The following PRSS12 variants were observed in gnomAD, a reference collection of about 807,000 sequenced individuals.
PRSS12 encodes neurotrypsin.
A neutral mutation model predicts 104.4 loss-of-function variants in PRSS12; 85 were observed. That is an observed-to-expected ratio of 0.81 (90% CI 0.68 to 0.98). The LOEUF is 0.98. Among genes scored for constraint, PRSS12 ranks in the 50% least tolerant of loss-of-function variants. PRSS12 has a pLI of 0.00. For missense variants in PRSS12, 1,141 were observed against 1,139.2 expected, an observed-to-expected ratio of 1.00 and a Z score of -0.02; for synonymous variants, 454 against 425.2, an observed-to-expected ratio of 1.07 and a Z score of -0.83.
intron 7 of PRSS12, among the ~76,000 whole-genome samples, chr4:118,310,619 TAC>T (rs1454130346): frequency 1.3e-5 from 2 of 152,234 alleles, no homozygotes; most frequent in Non-Finnish European, 1.5e-5. Context: ...CATATTGGTA[TAC>T]AGTTATCTTT....
chr4:118,301,292 T>A (rs555675820), intron 8 of PRSS12, among the ~76,000 whole-genome samples: 12 of 152,322 alleles, frequency 7.9e-5, no homozygotes, highest in African/African-American at 2.9e-4. Flanking sequence ...TGGCTACCCA[T>A]CAGAATTGCC....
At chr4:118,292,937 C>T (rs1743162459) in intron 11 of PRSS12, among the ~76,000 whole-genome samples, 2 of 152,038 alleles carry the variant, frequency 1.3e-5, no homozygotes, top group African/African-American at 2.4e-5. Flanking sequence ...ATCCTTAAAC[C>T]TGGCAGGGCA....
At position 118,294,955 on chromosome 4, in the gene PRSS12, C is replaced by T. The variant is rs765772252; in HGVS notation, c.2023G>A (p.Ala675Thr). The change falls in exon 11 of 13, where the codon GCA becomes ACA. Residue 675 changes from alanine to threonine, a missense_variant. Ala to Thr is a moderately conservative substitution (Grantham distance 58). Transcript: ENST00000296498. Reference protein sequence around the residue: ...LLSSCWVLTAAHCFKRYGNST... With the variant: ...LLSSCWVLTATHCFKRYGNST... ...GACACATACCTCTTGAAACAGTGTG[C>T]TGCTGTGAGGACCCAGCAGCTACTC... 1 of 1,614,118 alleles carries T rather than the reference C, an allele frequency of 6.2e-7. No homozygotes were observed. Among genetic ancestry groups the T allele is most frequent in the African/African-American group, 1.3e-5 (1 of 75,050 alleles).
chr4:118,295,718 A>G, intron 10 of PRSS12, 60 bp downstream of exon 10: 1 of 1,466,204 alleles, frequency 6.8e-7, no homozygotes, highest in Non-Finnish European at 9.6e-7. Context: ...CCAGTTTGTA[A>G]CACTCTATGT....
intron 1 of PRSS12, among the ~76,000 whole-genome samples, chr4:118,345,177 A>G (rs1188297249): frequency 1.2e-4 from 18 of 152,226 alleles, no homozygotes; most frequent in Non-Finnish European, 2.9e-5. Context: ...ACCCTGTTAG[A>G]AGAACCAGCA....
At chr4:118,330,862 T>G (rs1198282898) in intron 4 of PRSS12, among the ~76,000 whole-genome samples, 2 of 152,088 alleles carry the variant, frequency 1.3e-5, no homozygotes, top group Non-Finnish European at 2.9e-5. Flanking sequence ...TTTTAAAAAT[T>G]ACAAAAAAAT....
chr4:118,344,233 C>T (rs972875468), intron 1 of PRSS12, among the ~76,000 whole-genome samples: 1 of 152,024 alleles, frequency 6.6e-6, no homozygotes, highest in African/African-American at 2.4e-5. Flanking sequence ...AATACTATGT[C>T]TTATACCAAA....
At chr4:118,340,463 T>G (rs986664073) in intron 1 of PRSS12, among the ~76,000 whole-genome samples, 1 of 152,204 alleles carries the variant, frequency 6.6e-6, no homozygotes, top group African/African-American at 2.4e-5. Context: ...GGTTTATCCT[T>G]TCCTAAGGGC....
At chr4:118,308,345 A>G in intron 8 of PRSS12, 91 bp downstream of exon 8, 1 of 1,540,346 alleles carries the variant, frequency 6.5e-7, no homozygotes, top group African/African-American at 1.4e-5. Flanking sequence ...ACAGAAGCTC[A>G]TTTTAAGTAA....
At chr4:118,317,516 A>C (rs1723477121) in intron 5 of PRSS12, among the ~76,000 whole-genome samples, 1 of 152,196 alleles carries the variant, frequency 6.6e-6, no homozygotes, top group Admixed American at 6.5e-5. Flanking sequence ...TCTGAGCATC[A>C]CAGCAATGTT....
rs1333235823 is a variant in PRSS12, at chr4:118,311,036, G to A, written c.1489+2165C>T. ...ACTGCACTCCAGCCTGGGTGACAGA[G>A]TGAGACTCTGTCTCAATTAATTAAT... is the stretch of plus-strand genomic sequence containing the variant. On this transcript the variant is annotated intron_variant, in intron 7 of 12. Coordinates refer to ENST00000296498, the MANE Select transcript of PRSS12 (RefSeq NM_003619.4). Among the ~76,000 whole-genome samples the A allele has an allele frequency of 6.6e-5, 10 of 152,164 alleles. No individual in the cohort carries two copies. The South Asian group carries it at 1.5e-3, about 22-fold the overall frequency.
In PRSS12 at chr4:118,316,776, C is replaced by T. The variant is rs377202171; in HGVS notation, c.1151-453G>A. Among the ~76,000 whole-genome samples, 58 of 148,896 alleles carry T rather than the reference C, an allele frequency of 3.9e-4. No homozygotes were observed. The East Asian group carries it at 9.9e-3, about 25-fold the overall frequency. ...GGCAGAGGTTACAGTGAGCTGAAAT[C>T]GCACCACTGCCCTCCAGTCTGGGCA... On this transcript the variant is annotated intron_variant, in intron 5 of 12. Transcript: ENST00000296498.
Position 118,318,559 on chromosome 4 carries a change from G to C in PRSS12, c.972-3C>G. The C allele has an allele frequency of 6.2e-7, 1 of 1,613,338 alleles. No homozygotes were observed. The highest frequency in any genetic ancestry group is 8.5e-7 in the Non-Finnish European group (1 of 1,179,684). ...GATGCCATGCTTTGGCAATGCCACT[G>C]AACAAATAAAAGAATGTAAGGATTC... On this transcript the variant is annotated splice_region_variant and splice_polypyrimidine_tract_variant and intron_variant, in intron 4 of 12. Transcript: ENST00000296498.
intron 5 of PRSS12, among the ~76,000 whole-genome samples, chr4:118,317,728 C>T (rs753330946): frequency 6.6e-6 from 1 of 152,194 alleles, no homozygotes; most frequent in Non-Finnish European, 1.5e-5. Context: ...TTGATTTTCA[C>T]TAAAGAAATA....
chr4:118,320,916 G>A (rs903272815), intron 4 of PRSS12, among the ~76,000 whole-genome samples: 1 of 152,170 alleles, frequency 6.6e-6, no homozygotes, highest in Admixed American at 6.5e-5. Context: ...AGGAGGTATA[G>A]AGGAAGCTGA....
At position 118,323,871 on chromosome 4, in the gene PRSS12, A is replaced by ATGTG. The variant is rs113327232; in HGVS notation, c.972-5319_972-5316dup. On this transcript the variant is annotated intron_variant, in intron 4 of 12. Transcript: ENST00000296498. The stretch of plus-strand genomic sequence containing the variant: ...TCAGTTACAGTTTACTTATATAAAT[A>ATGTG]TGTGTGTGTGTGTGTATATATATCT... 1.6e-4 allele frequency among the ~76,000 whole-genome samples: 24 copies of ATGTG among 151,192 alleles called. No individual in the cohort carries two copies. In the East Asian group the frequency reaches 4.7e-3, roughly 29 times the overall value.
chr4:118,346,964 T>C (rs1258614309), intron 1 of PRSS12, among the ~76,000 whole-genome samples: 1 of 151,946 alleles, frequency 6.6e-6, no homozygotes, highest in Non-Finnish European at 1.5e-5. Context: ...TGCGTGTGCA[T>C]GCATGCACAC....
At chr4:118,297,919 T>C (rs1300054629) in intron 9 of PRSS12, among the ~76,000 whole-genome samples, 1 of 151,988 alleles carries the variant, frequency 6.6e-6, no homozygotes, top group Non-Finnish European at 1.5e-5. Context: ...GGGCGGATCA[T>C]CTGAGGTCAG....
rs569581241 is a variant in PRSS12 at position 118,314,827 on chromosome 4, AAAAT to A, written c.1292+1351_1292+1354del. Among the ~76,000 whole-genome samples the A allele has an allele frequency of 4.0e-3, 608 of 152,234 alleles. 2 individuals are homozygous for A. The highest frequency in any genetic ancestry group is 0.014 in the African/African-American group (567 of 41,590). On this transcript the variant is annotated intron_variant, in intron 6 of 12. Coordinates refer to ENST00000296498, the MANE Select transcript of PRSS12 (RefSeq NM_003619.4). ...TGTTTTCATTAATAAAAAAATATGAAAAATAGAAATAACAGGATTTATGAATCTC... is the reference window on the plus strand; with the variant it reads ...TGTTTTCATTAATAAAAAAATATGAAAGAAATAACAGGATTTATGAATCTC...
Sources: allele counts gnomAD v4.1 joint callset (sites outside exome capture counted in the v4.1 genomes callset), GRCh38; gene constraint gnomAD v4.1.1; transcripts MANE v1.5; gene names NCBI Gene and HGNC (gene_info 2026-07-23, HGNC 2026-07-21).